The following NT5C3A variants were observed in gnomAD, a reference collection of about 807,000 sequenced individuals.
NT5C3A encodes 5'-nucleotidase, cytosolic IIIA.
In NT5C3A, 23 loss-of-function variants were observed where a neutral mutation model predicts 40.0. The ratio of observed to expected loss-of-function variants is 0.58; its 90% confidence interval spans 0.41 to 0.81. The LOEUF is 0.81. NT5C3A is among the 40% of genes least tolerant of loss of function. The pLI is 0.00. For missense variants in NT5C3A, 328 were observed against 403.0 expected, an observed-to-expected ratio of 0.81 and a Z score of 1.59; for synonymous variants, 130 against 141.4, an observed-to-expected ratio of 0.92 and a Z score of 0.57.
At chr7:33,022,338 C>T (rs554698906) in intron 3 of NT5C3A, among the ~76,000 whole-genome samples, 11 of 152,282 alleles carry the variant, frequency 7.2e-5, no homozygotes, top group Non-Finnish European at 1.0e-4. Flanking sequence ...AGTGACTGCT[C>T]GCTTACATCA....
chr7:33,025,069 G>A (rs1397124984), intron 2 of NT5C3A, among the ~76,000 whole-genome samples: 1 of 152,116 alleles, frequency 6.6e-6, no homozygotes, highest in Non-Finnish European at 1.5e-5. Context: ...AACCTGGGAG[G>A]CGCAGGTTGC....
intron 6 of NT5C3A, 110 bp from the exon 7 acceptor site, chr7:33,017,711 T>A: frequency 1.1e-6 from 1 of 875,656 alleles, no homozygotes; most frequent in East Asian, 2.5e-5. Flanking sequence ...TCACTCATAT[T>A]CTCATTTCAA....
At chr7:33,055,337 A>C (rs1365937984) in intron 1 of NT5C3A, among the ~76,000 whole-genome samples, 1 of 151,766 alleles carries the variant, frequency 6.6e-6, no homozygotes, top group Non-Finnish European at 1.5e-5. Flanking sequence ...AAAAAAGAAG[A>C]CAGAAGCTGT....
At chr7:33,017,735 A>G (rs1785415843) in intron 6 of NT5C3A, 134 bp from the exon 7 acceptor site, 1 of 747,800 alleles carries the variant, frequency 1.3e-6, no homozygotes, top group Admixed American at 2.0e-5. Context: ...ACTGCCCAAG[A>G]GGGCTGTTAT....
intron 1 of NT5C3A, among the ~76,000 whole-genome samples, chr7:33,049,901 T>C (rs1427399089): frequency 7.3e-6 from 1 of 137,020 alleles, no homozygotes; most frequent in African/African-American, 2.8e-5. Flanking sequence ...ACCCGGGAGA[T>C]GGAGCTTGCA....
intron 1 of NT5C3A, among the ~76,000 whole-genome samples, chr7:33,044,292 T>C (rs73303286): frequency 0.039 from 5,952 of 152,186 alleles, 387 homozygotes; most frequent in African/African-American, 0.14. Context: ...TGAGTAAGAA[T>C]GTTTAAAAAA....
At chr7:33,019,783 CT>C in intron 5 of NT5C3A, 59 bp from the exon 6 acceptor site, 1 of 930,442 alleles carries the variant, frequency 1.1e-6, no homozygotes. Context: ...AAATTATTAT[CT>C]TTATTACAAA....
chr7:33,056,329 G>T (rs1787564071), intron 1 of NT5C3A, among the ~76,000 whole-genome samples: 2 of 151,534 alleles, frequency 1.3e-5, no homozygotes, highest in African/African-American at 2.4e-5. Context: ...GATAAAAATT[G>T]AGATATGGAG....
intron 1 of NT5C3A, chr7:33,036,078 T>C (rs1360849410): frequency 2.1e-6 from 2 of 973,858 alleles, no homozygotes; most frequent in African/African-American, 3.2e-5. Context: ...GTTATGCCAA[T>C]AATATATTAA....
rs751646719 is a variant in NT5C3A, at chr7:33,015,819, C to G, written c.745G>C (p.Asp249His). Residue 249 changes from aspartate (D) to histidine (H), a missense_variant, in exon 8 of 9, where the codon GAT (aspartate) becomes CAT (histidine). By Grantham distance (81) the Asp-to-His change is moderately conservative (BLOSUM62 -1). Coordinates refer to ENST00000610140, the MANE Select transcript of NT5C3A (RefSeq NM_001002010.5). The part of the protein sequence containing the change: ...GELIHVFNKH[D>H]GALRNTEYFN... ...TATTCTGTATTCCTCAAGGCACCATCATGTTTGTTAAATACATGAATTAGT... is the reference window on the plus strand; with the variant it reads ...TATTCTGTATTCCTCAAGGCACCATGATGTTTGTTAAATACATGAATTAGT... The G allele has an allele frequency of 6.2e-7, 1 of 1,611,046 alleles. No individual in the cohort carries two copies. The highest frequency in any genetic ancestry group is 1.3e-5 in the African/African-American group (1 of 74,878).
intron 1 of NT5C3A, among the ~76,000 whole-genome samples, chr7:33,033,877 C>CATATATATATATATATAT (rs1554291562): frequency 1.0e-3 from 126 of 125,946 alleles, no homozygotes; most frequent in Non-Finnish European, 1.2e-3. Context: ...ATATAAAAGA[C>CATATATATATATATATAT]ATATATATAT....
At chr7:33,036,106 G>T in intron 1 of NT5C3A, 1 of 778,666 alleles carries the variant, frequency 1.3e-6, no homozygotes, top group Non-Finnish European at 2.2e-6. Flanking sequence ...TTTTTGGTAT[G>T]ACTTATTTAT....
chr7:33,052,414 A>C (rs541158115), intron 1 of NT5C3A, among the ~76,000 whole-genome samples: 3 of 141,386 alleles, frequency 2.1e-5, no homozygotes, highest in African/African-American at 7.9e-5. Context: ...TGAAGCTGGG[A>C]GACAGAGGTT....
At chr7:33,049,343 CT>C (rs1787272441) in intron 1 of NT5C3A, among the ~76,000 whole-genome samples, 1 of 152,132 alleles carries the variant, frequency 6.6e-6, no homozygotes. Context: ...AGTTTAGTAT[CT>C]TGTCCAAGGA....
intron 1 of NT5C3A, among the ~76,000 whole-genome samples, chr7:33,049,470 T>C (rs1240993727): frequency 6.6e-6 from 1 of 152,160 alleles, no homozygotes; most frequent in Non-Finnish European, 1.5e-5. Context: ...CCATAGATTC[T>C]ATAACTTGTT....
intron 1 of NT5C3A, among the ~76,000 whole-genome samples, chr7:33,036,731 AAAGT>A (rs1443445966): frequency 6.6e-6 from 1 of 152,190 alleles, no homozygotes; most frequent in African/African-American, 2.4e-5. Context: ...CAGACAGAAC[AAAGT>A]AAGGGAAGAC....
At chr7:33,028,765 G>C (rs959527128) in intron 1 of NT5C3A, among the ~76,000 whole-genome samples, 3 of 151,998 alleles carry the variant, frequency 2.0e-5, no homozygotes, top group African/African-American at 7.3e-5. Flanking sequence ...CGAAAGTGTA[G>C]AGGAAAGAGG....
intron 1 of NT5C3A, among the ~76,000 whole-genome samples, chr7:33,050,742 T>C (rs1787331112): frequency 1.3e-5 from 2 of 152,108 alleles, no homozygotes; most frequent in Admixed American, 1.3e-4. Context: ...ACAACATATA[T>C]GAAAAAAATG....
At chr7:33,051,577 A>C (rs1021219503) in intron 1 of NT5C3A, among the ~76,000 whole-genome samples, 2 of 152,176 alleles carry the variant, frequency 1.3e-5, no homozygotes, top group Admixed American at 6.5e-5. Flanking sequence ...ACACTGTGCA[A>C]AAAATATAAA....
Sources: gnomAD v4.1 joint callset for allele counts (sites outside exome capture counted in the v4.1 genomes callset) on GRCh38, gnomAD v4.1.1 for gene constraint, MANE v1.5 for transcripts, NCBI Gene and HGNC (gene_info 2026-07-23, HGNC 2026-07-21) for gene names.